OAS3: variants seen among roughly 807,000 people sequenced by gnomAD.
The protein encoded by OAS3 is 2'-5'-oligoadenylate synthetase 3, also known as 2'-5'-oligoadenylate synthase 3.
A neutral mutation model predicts 113.0 loss-of-function variants in OAS3; 107 were observed. The ratio of observed to expected loss-of-function variants is 0.95; its 90% CI spans 0.81 to 1.11. OAS3 has a LOEUF of 1.11. Among genes scored for constraint, OAS3 ranks in the 50% most tolerant of loss-of-function variants. The pLI is 0.00. For synonymous variants in OAS3, 552 were observed against 573.6 expected, an observed-to-expected ratio of 0.96 and a Z score of 0.54; for missense variants, 1,258 against 1,389.1, an observed-to-expected ratio of 0.91 and a Z score of 1.50.
intron 10 of OAS3, 145 bp from the exon 11 acceptor site, chr12:112,964,090 C>G: frequency 1.2e-6 from 1 of 802,670 alleles, no homozygotes; most frequent in Non-Finnish European, 2.0e-6. Context: ...TCTGATGCTA[C>G]CTCAGAACCT....
At chr12:112,943,406 C>T (rs1259748781) in intron 2 of OAS3, among the ~76,000 whole-genome samples, 2 of 152,138 alleles carry the variant, frequency 1.3e-5, no homozygotes, top group African/African-American at 2.4e-5. Context: ...TACAGTGACC[C>T]ACCCAAAGCC....
intron 7 of OAS3, among the ~76,000 whole-genome samples, chr12:112,957,283 C>CTT (rs1401966910): frequency 6.6e-6 from 1 of 151,852 alleles, no homozygotes; most frequent in Non-Finnish European, 1.5e-5. Flanking sequence ...GGTCTTGACT[C>CTT]TATCCAATTT....
Position 112,950,972 on chromosome 12 carries a change from G to T in OAS3, c.1654G>T (p.Val552Leu). The T allele has an allele frequency of 6.2e-7, 1 of 1,612,134 alleles. No individual in the cohort carries two copies. Among genetic ancestry groups the T allele is most frequent in the Non-Finnish European group, 8.5e-7 (1 of 1,178,924 alleles). Residue 552 changes from valine to leucine, a missense_variant, in exon 7 of 16, where the codon GTG (valine) becomes TTG (leucine). Coordinates refer to ENST00000228928, the MANE Select transcript of OAS3 (RefSeq NM_006187.4). ...TAGCCTGCTGCCTGCCTTCGATGCT[G>T]TGGGTGAGGGCGCCCAGCCTGTCCC... ...DVSLLPAFDA[V>L]GQLSSGTKPN... is the part of the protein sequence containing the mutation.
In OAS3 at chr12:112,967,541, G is replaced by A. The variant is rs763033587; in HGVS notation, c.2813G>A (p.Arg938His). 1.4e-5 allele frequency: 23 copies of A among 1,613,704 alleles called. No individual in the cohort carries two copies. Among genetic ancestry groups the A allele is most frequent in the Middle Eastern group, 1.6e-4 (1 of 6,084 alleles). ...CTACAACGGGACTTCATCATCTCTC[G>A]CCCTACCAAGCTGAAGAGCCTGATC... ...TELQRDFIISRPTKLKSLIRL... is the reference protein window; with the variant it reads ...TELQRDFIISHPTKLKSLIRL... Residue 938 changes from arginine (R) to histidine (H), a missense_variant, in exon 13 of 16, where the codon CGC (arginine) becomes CAC (histidine). Arg to His is a conservative substitution (Grantham distance 29, BLOSUM62 0). Transcript: ENST00000228928.
At chr12:112,965,047 G>C (rs2043921807) in intron 11 of OAS3, among the ~76,000 whole-genome samples, 1 of 152,192 alleles carries the variant, frequency 6.6e-6, no homozygotes, top group African/African-American at 2.4e-5. Flanking sequence ...GCTGATCCCA[G>C]GTGGAAAGGA....
chr12:112,948,780 C>A, intron 5 of OAS3, 81 bp from the exon 6 acceptor site: 2 of 1,109,268 alleles, frequency 1.8e-6, no homozygotes, highest in Non-Finnish European at 1.3e-6. Flanking sequence ...GTACAAAGGG[C>A]GGGAGCTGGG....
At chr12:112,962,615 C>A (rs760881239) in intron 8 of OAS3, 37 bp from the exon 9 acceptor site, 2 of 1,604,316 alleles carry the variant, frequency 1.2e-6, no homozygotes, top group South Asian at 2.2e-5. Context: ...CTCACATCCA[C>A]TAATCACTCA....
chr12:112,952,671 T>A, intron 7 of OAS3, among the ~76,000 whole-genome samples: 1 of 152,228 alleles, frequency 6.6e-6, no homozygotes, highest in Non-Finnish European at 1.5e-5. Flanking sequence ...TTTTAGTACT[T>A]TTTCAGAAAG....
chr12:112,954,367 T>C lies in OAS3; in HGVS notation c.1657+3392T>C, dbSNP rs2043816226. ...GTGCAGTGACGCGATCTCGGCTCAC[T>C]GCAAGCTCCACCTCCCAGGTTCACA... On this transcript the variant is annotated intron_variant, in intron 7 of 15. Coordinates refer to ENST00000228928, the MANE Select transcript of OAS3 (RefSeq NM_006187.4). The surrounding 1 kb of genome is among the most constrained non-coding windows in gnomAD (Gnocchi z 4.0). 6.6e-6 allele frequency among the ~76,000 whole-genome samples: 1 copy of C among 152,148 alleles called. No homozygotes were observed. Among genetic ancestry groups the C allele is most frequent in the Non-Finnish European group, 1.5e-5 (1 of 68,016 alleles).
At chr12:112,962,525 G>T in intron 8 of OAS3, 127 bp from the exon 9 acceptor site, 1 of 1,149,362 alleles carries the variant, frequency 8.7e-7, no homozygotes, top group East Asian at 2.4e-5. Flanking sequence ...AAAATGAGAA[G>T]CATCAGCAAG....
Position 112,941,438 on chromosome 12 carries a change from G to A in OAS3, c.178-132G>A, listed in dbSNP as rs1193547287. ...GGCTACCCTGGGCCCACATTCCCGC[G>A]TGGCTTCAATGCCTACAGCCATGTG... On this transcript the variant is annotated intron_variant, in intron 1 of 15. Transcript: ENST00000228928. 3.7e-5 allele frequency: 34 copies of A among 907,280 alleles called. No individual in the cohort carries two copies. In the South Asian group the frequency reaches 4.6e-4, roughly 12 times the overall value. 56.2% of individuals were successfully genotyped at this position (907,280 alleles called of 1,614,324 possible).
Position 112,967,618 on chromosome 12 carries a change from TC to T in OAS3, c.2865+27del, listed in dbSNP as rs374608193. The T allele has an allele frequency of 5.6e-4, 905 of 1,604,274 alleles. 2 individuals carry two copies. The highest frequency in any genetic ancestry group is 7.0e-4 in the Non-Finnish European group (817 of 1,174,534). ...GGTTCGGCACATGGATAGGCCACCT[TC>T]CTAAGTTGCCCTGGGATCTGCCTCT... On this transcript the variant is annotated intron_variant, in intron 13 of 15. Coordinates refer to ENST00000228928, the MANE Select transcript of OAS3 (RefSeq NM_006187.4).
At chr12:112,943,913 G>A (rs546006389) in intron 2 of OAS3, among the ~76,000 whole-genome samples, 107 of 152,006 alleles carry the variant, frequency 7.0e-4, no homozygotes, top group Admixed American at 1.3e-3. Flanking sequence ...GGCTGGTCTC[G>A]AACTCCTGAC....
chr12:112,948,272 G>T (rs2043752314), intron 5 of OAS3, among the ~76,000 whole-genome samples, 173 bp downstream of exon 5: 1 of 152,196 alleles, frequency 6.6e-6, no homozygotes, highest in Non-Finnish European at 1.5e-5. Context: ...GAGGTGGGCA[G>T]ATTACCTGAG....
At chr12:112,943,247 T>C (rs1311164462) in intron 2 of OAS3, among the ~76,000 whole-genome samples, 1 of 152,188 alleles carries the variant, frequency 6.6e-6, no homozygotes, top group African/African-American at 2.4e-5. Flanking sequence ...GGTACACATA[T>C]ATTAATCATA....
intron 12 of OAS3, 137 bp from the exon 13 acceptor site, chr12:112,967,281 C>G: frequency 1.4e-6 from 1 of 731,200 alleles, no homozygotes; most frequent in Non-Finnish European, 2.2e-6. Flanking sequence ...TAAAAACACC[C>G]TGTGGCCTCC....
At chr12:112,949,880 A>G (rs569183107) in intron 6 of OAS3, among the ~76,000 whole-genome samples, 1 of 152,268 alleles carries the variant, frequency 6.6e-6, no homozygotes, top group East Asian at 1.9e-4. Context: ...TTAGCTGGGC[A>G]TGGTGACGGG....
intron 14 of OAS3, among the ~76,000 whole-genome samples, chr12:112,968,986 A>AT (rs2043960517): frequency 6.6e-6 from 1 of 152,230 alleles, no homozygotes; most frequent in South Asian, 2.1e-4. Flanking sequence ...GCTACTTAGA[A>AT]TGATGTGTTG....
chr12:112,969,997 C>T lies in OAS3; in HGVS notation c.*24C>T. ...GAAGTTGAGAAAATCAGCGGTCCTA[C>T]TGGATGAAGAGAAGATGGACACCAG... On this transcript the variant is annotated 3_prime_UTR_variant, in exon 16 of 16. Transcript: ENST00000228928. 6.2e-7 allele frequency: 1 copy of T among 1,605,256 alleles called. No homozygotes were observed. The highest frequency in any genetic ancestry group is 8.5e-7 in the Non-Finnish European group (1 of 1,175,714).
Sources: gnomAD v4.1 joint callset for allele counts (sites outside exome capture counted in the v4.1 genomes callset) on GRCh38, gnomAD v4.1.1 for gene constraint, Gnocchi (gnomAD v3.1) non-coding constraint, MANE v1.5 for transcripts, NCBI Gene and HGNC (gene_info 2026-07-23, HGNC 2026-07-21) for gene names.